Variants in PCDHGA9 observed in about 807,000 individuals in gnomAD.
The protein encoded by PCDHGA9 is protocadherin gamma subfamily A, 9, also known as protocadherin gamma-A9.
In PCDHGA9, 37 loss-of-function variants were observed where a neutral mutation model predicts 62.5. That is an observed-to-expected ratio of 0.59 (90% CI 0.46 to 0.78). The LOEUF is 0.78. Ranked by LOEUF, PCDHGA9 falls within the 30% of genes least tolerant of loss-of-function variation. The probability of loss-of-function intolerance (pLI) is 0.00; values close to 1 mark genes in which losing one functional copy is unlikely to be tolerated. For missense variants in PCDHGA9, 1,138 were observed against 1,166.2 expected, an observed-to-expected ratio of 0.98 and a Z score of 0.35; for synonymous variants, 459 against 484.6, an observed-to-expected ratio of 0.95 and a Z score of 0.69.
chr5:141,482,562 C>A (rs1030078543), intron 1 of PCDHGA9, among the ~76,000 whole-genome samples: 68 of 142,616 alleles, frequency 4.8e-4, no homozygotes, highest in African/African-American at 1.8e-3. Flanking sequence ...TAATGGAGAT[C>A]TGCATAGCAT....
At chr5:141,450,869 G>A (rs1435272731) in intron 1 of PCDHGA9, among the ~76,000 whole-genome samples, 1 of 147,142 alleles carries the variant, frequency 6.8e-6, no homozygotes, top group Admixed American at 6.9e-5. Context: ...CTGTCACCCA[G>A]GCTGGTGTGC....
chr5:141,410,560 A>G (rs769354927), intron 1 of PCDHGA9: 3 of 1,612,824 alleles, frequency 1.9e-6, no homozygotes, highest in African/African-American at 1.3e-5. Flanking sequence ...TTTCTCCTGG[A>G]GCCTTAATTC....
chr5:141,430,258 A>T (rs542653323), intron 1 of PCDHGA9, among the ~76,000 whole-genome samples: 1 of 147,968 alleles, frequency 6.8e-6, no homozygotes, highest in Non-Finnish European at 1.5e-5. Flanking sequence ...AGACATCTCC[A>T]TAATAGGTGT....
chr5:141,407,981 C>G, intron 1 of PCDHGA9: 4 of 770,010 alleles, frequency 5.2e-6, no homozygotes, highest in Non-Finnish European at 7.8e-6. Flanking sequence ...GCCGGGGATC[C>G]GTCAGCCTCT....
rs1031996605 is a variant in PCDHGA9, at chr5:141,487,055, G to C, written c.2425-7752G>C. ...TGCAGTCTCTCGATATGCTGGGGAG[G>C]TGCGGACGGCTGTTCCTATCCCAGC... is the stretch of plus-strand genomic sequence containing the variant. On this transcript the variant is annotated intron_variant, in intron 1 of 3. Transcript: ENST00000573521. The surrounding 1 kb of genome is among the most constrained non-coding windows in gnomAD (Gnocchi z 5.0). The C allele has an allele frequency of 6.2e-7, 1 of 1,614,186 alleles. No individual in the cohort carries two copies. The highest frequency in any genetic ancestry group is 8.5e-7 in the Non-Finnish European group (1 of 1,180,038).
At chr5:141,421,579 T>A (rs753573473) in intron 1 of PCDHGA9, 1 of 1,613,934 alleles carries the variant, frequency 6.2e-7, no homozygotes, top group Non-Finnish European at 8.5e-7. Flanking sequence ...CTTGAAGATT[T>A]ACGGAGTGGA....
At chr5:141,408,962 A>G (rs1561716536) in intron 1 of PCDHGA9, 3 of 1,613,638 alleles carry the variant, frequency 1.9e-6, no homozygotes, top group Admixed American at 3.3e-5. Flanking sequence ...TCTTAGTGAA[A>G]ATCTGCCCCC....
intron 1 of PCDHGA9, among the ~76,000 whole-genome samples, chr5:141,450,267 C>T (rs971441306): frequency 4.6e-5 from 7 of 152,106 alleles, no homozygotes; most frequent in African/African-American, 1.7e-4. Context: ...ATCTGCCCAC[C>T]TCAGCTAAGT....
rs768265171 is a variant in PCDHGA9, at chr5:141,432,847, G to T, written c.2424+27471G>T. The T allele has an allele frequency of 6.2e-7, 1 of 1,614,180 alleles. No homozygotes were observed. On this transcript the variant is annotated intron_variant, in intron 1 of 3. Transcript: ENST00000573521. The surrounding 1 kb of genome is among the most constrained non-coding windows in gnomAD (Gnocchi z 6.0). ...ACCTCACTCTGTACCTGGTGGTAGC[G>T]GTGGCCGCGGTCTCCTGCGTCTTCC...
At chr5:141,507,557 C>T (rs959957585) in intron 3 of PCDHGA9, among the ~76,000 whole-genome samples, 5 of 152,250 alleles carry the variant, frequency 3.3e-5, no homozygotes, top group Middle Eastern at 3.4e-3. Flanking sequence ...AAGTGGCAGG[C>T]GGCTGGGTCT....
In PCDHGA9 at chr5:141,427,684, C is replaced by T. The variant is rs765112627; in HGVS notation, c.2424+22308C>T. 3.6e-6 allele frequency: 3 copies of T among 841,720 alleles called. No individual in the cohort carries two copies. In the Admixed American group the frequency reaches 5.8e-5, roughly 16 times the overall value. 52.1% of individuals were successfully genotyped at this position (841,720 alleles called of 1,614,324 possible). A position where few individuals can be genotyped will look rare whatever the true frequency, so the allele number is the denominator to read the frequency against. On this transcript the variant is annotated intron_variant, in intron 1 of 3. Transcript: ENST00000573521. The stretch of plus-strand genomic sequence containing the variant: ...GTGGCCGAAAACAACCTTCCCGGAG[C>T]CTCCATCCCACAAGTCAGCGCCTCT...
At chr5:141,505,245 A>G (rs530515894) in intron 2 of PCDHGA9, 148 bp from the exon 3 acceptor site, 294 of 1,430,832 alleles carry the variant, frequency 2.1e-4, no homozygotes, top group Admixed American at 1.8e-3. Flanking sequence ...GAAGGATTGT[A>G]GAAGTGCCTC....
At chr5:141,423,360 G>A (rs762976655) in intron 1 of PCDHGA9, 1 of 1,614,224 alleles carries the variant, frequency 6.2e-7, no homozygotes, top group Non-Finnish European at 8.5e-7. Context: ...TTGTCATCGT[G>A]CTGCTGGCAC....
chr5:141,407,868 A>AAT (rs1474357780), intron 1 of PCDHGA9, among the ~76,000 whole-genome samples: 1 of 152,242 alleles, frequency 6.6e-6, no homozygotes, highest in Admixed American at 6.5e-5. Context: ...ATTTTCGAAG[A>AAT]ATATATACAT....
At chr5:141,419,570 G>T in intron 1 of PCDHGA9, 1 of 1,611,766 alleles carries the variant, frequency 6.2e-7, no homozygotes. Context: ...GGGTCCCGAC[G>T]GCTCCGCGCT....
rs1384951887 is a variant in PCDHGA9, at chr5:141,465,860, T to C, written c.2425-28947T>C. ...AACTGAGGCTGGGCCCAGTGGCTCA[T>C]GCCTGTAATCCCAGCACTTTGGGAG... On this transcript the variant is annotated intron_variant, in intron 1 of 3. Coordinates refer to ENST00000573521, the MANE Select transcript of PCDHGA9 (RefSeq NM_018921.3). Among the ~76,000 whole-genome samples the C allele has an allele frequency of 2.0e-5, 3 of 152,114 alleles. No individual in the cohort carries two copies. The South Asian group carries it at 6.2e-4, about 32-fold the overall frequency.
At chr5:141,474,090 AAACAACAACAAAAAC>A (rs1459798801) in intron 1 of PCDHGA9, among the ~76,000 whole-genome samples, 1 of 152,206 alleles carries the variant, frequency 6.6e-6, no homozygotes, top group African/African-American at 2.4e-5. Flanking sequence ...ACCAAAAAAC[AAACAACAACAAAAAC>A]AACAACAACG....
At position 141,511,005 on chromosome 5, in the gene PCDHGA9, C is replaced by T; in HGVS notation, c.2631C>T (p.Ala877=). ...GGGAGTMGLS[A]RYGPQFTLQH... The stretch of plus-strand genomic sequence containing the variant: ...GTGCCGGCACCATGGGATTGAGCGC[C>T]CGCTACGGACCCCAGTTCACCCTGC... Residue 877 remains alanine, a synonymous_variant, in exon 4 of 4, where the codon GCC becomes GCT. Coordinates refer to ENST00000573521, the MANE Select transcript of PCDHGA9 (RefSeq NM_018921.3). The T allele has an allele frequency of 6.2e-7, 1 of 1,614,176 alleles. No individual in the cohort carries two copies.
chr5:141,456,712 C>T (rs1025899058), intron 1 of PCDHGA9, among the ~76,000 whole-genome samples: 2 of 152,190 alleles, frequency 1.3e-5, no homozygotes, highest in African/African-American at 4.8e-5. Context: ...CGCCTGTAAT[C>T]CCAGCACTTT....
Sources: gnomAD v4.1 joint callset for allele counts (sites outside exome capture counted in the v4.1 genomes callset) on GRCh38, gnomAD v4.1.1 for gene constraint, Gnocchi (gnomAD v3.1) non-coding constraint, MANE v1.5 for transcripts, NCBI Gene and HGNC (gene_info 2026-07-23, HGNC 2026-07-21) for gene names.